The following BORCS8 variants were observed in gnomAD, a reference collection of about 807,000 sequenced individuals.
BORCS8 encodes the protein BLOC-1 related complex subunit 8.
Under a neutral mutation model 18.7 loss-of-function variants are expected in BORCS8, and 13 were observed. The observed-to-expected ratio is 0.70, with a 90% CI of 0.45 to 1.11. The LOEUF is 1.11. BORCS8 is among the 50% of genes least tolerant of loss of function. The probability of loss-of-function intolerance (pLI) is 0.00; values close to 1 mark genes in which losing one functional copy is unlikely to be tolerated. For missense variants in BORCS8, 165 were observed against 165.7 expected (o/e 1.00, Z 0.02); for synonymous variants, 68 against 64.8 (o/e 1.05, Z -0.24).
At chr19:19,186,413 T>G (rs976325135) in intron 2 of BORCS8, among the ~76,000 whole-genome samples, 12 of 152,196 alleles carry the variant, frequency 7.9e-5, no homozygotes, top group African/African-American at 2.2e-4. Flanking sequence ...AAATCTCACC[T>G]TGAATTGTAG....
intron 1 of BORCS8, among the ~76,000 whole-genome samples, chr19:19,190,377 G>A (rs3761081): frequency 0.13 from 19,263 of 152,222 alleles, 1,584 homozygotes; most frequent in Non-Finnish European, 0.18. Flanking sequence ...GCGTGTCTGG[G>A]AGTCAAAGGA....
rs945994637 is a variant in BORCS8 at position 19,182,105 on chromosome 19, C to G, written c.326+468G>C. The G allele has an allele frequency of 6.4e-6, 6 of 940,240 alleles. No homozygotes were observed. The African/African-American group carries it at 1.1e-4, about 17-fold the overall frequency. 58.2% of individuals were successfully genotyped at this position (940,240 alleles called of 1,614,324 possible). ...AGCTGGCCGGCTCCAGCCACAGAAG[C>G]CTTCTCGGTGCTTCTCGAACACTCC... On this transcript the variant is annotated intron_variant, in intron 4 of 5. Coordinates refer to ENST00000462790, the MANE Select transcript of BORCS8 (RefSeq NM_001145784.2). This position sits in a 1 kb window ranked among gnomAD's most constrained non-coding sequence, Gnocchi z 4.1.
chr19:19,186,759 C>G (rs1435473067), intron 2 of BORCS8, 134 bp downstream of exon 2: 1 of 602,036 alleles, frequency 1.7e-6, no homozygotes, highest in Non-Finnish European at 2.9e-6. Flanking sequence ...ATCTTGCCAT[C>G]TCCTTCAAAA....
At position 19,180,695 on chromosome 19, in the gene BORCS8, C is replaced by A; in HGVS notation, c.*33G>T. On this transcript the variant is annotated 3_prime_UTR_variant, in exon 5 of 6. Transcript: ENST00000462790. ...TACCCTCGGCACTGACCTGGGTTGG[C>A]GGAGGCTGGGGGGCCCCGAGTCTCT... 6 of 1,545,922 alleles carry A rather than the reference C, an allele frequency of 3.9e-6. No homozygotes were observed. The highest frequency in any genetic ancestry group is 2.1e-4 in the Middle Eastern group (1 of 4,810).
Position 19,186,992 on chromosome 19 carries a change from G to A in BORCS8, c.51C>T (p.Phe17=). The change falls in exon 2 of 6, where the codon TTC becomes TTT. Residue 17 remains phenylalanine (F), a synonymous_variant. Coordinates refer to ENST00000462790, the MANE Select transcript of BORCS8 (RefSeq NM_001145784.2). The part of the protein sequence containing the change: ...QLKGKKVTDK[F]TESVYVLANE... ...TGGCCAGGACGTAGACGCTCTCAGT[G>A]AACTTGTCCGTGACTAGATACAGGT... is the stretch of plus-strand genomic sequence containing the variant. The A allele has an allele frequency of 6.4e-7, 1 of 1,551,020 alleles. No individual in the cohort carries two copies. The highest frequency in any genetic ancestry group is 8.7e-7 in the Non-Finnish European group (1 of 1,146,664).
Position 19,182,480 on chromosome 19 carries a change from T to G in BORCS8, c.326+93A>C. The G allele has an allele frequency of 6.8e-7, 1 of 1,476,996 alleles. No homozygotes were observed. Among genetic ancestry groups the G allele is most frequent in the South Asian group, 1.3e-5 (1 of 76,170 alleles). The allele number at this position is 1,476,996 out of a possible 1,614,324, so 91.5% of individuals were successfully genotyped here. A position where few individuals can be genotyped will look rare whatever the true frequency, so the allele number is the denominator to read the frequency against. Reference sequence around the variant, plus strand: ...CAGGACAAAAGGAAAGAGACAGTTTTCTAATAAGCGAGAAGCAGCGGTTCC... The same window carrying G: ...CAGGACAAAAGGAAAGAGACAGTTTGCTAATAAGCGAGAAGCAGCGGTTCC... On this transcript the variant is annotated intron_variant, in intron 4 of 5. Coordinates refer to ENST00000462790, the MANE Select transcript of BORCS8 (RefSeq NM_001145784.2). The surrounding 1 kb of genome is among the most constrained non-coding windows in gnomAD (Gnocchi z 4.1).
chr19:19,177,906 C>T lies in BORCS8; in HGVS notation c.*43-446G>A, dbSNP rs185884048. ...TTTTTTGGTTGGGGGGCGGCGGGTGCGAAGTCTCGCTCTGTCGCGCAGGCT... is the reference window on the plus strand; with the variant it reads ...TTTTTTGGTTGGGGGGCGGCGGGTGTGAAGTCTCGCTCTGTCGCGCAGGCT... On this transcript the variant is annotated intron_variant, in intron 5 of 5. Transcript: ENST00000462790. 4.6e-3 allele frequency: 698 copies of T among 152,428 alleles called. 9 individuals carry two copies. The highest frequency in any genetic ancestry group is 0.016 in the African/African-American group (676 of 41,262). 9.4% of individuals were successfully genotyped at this position (152,428 alleles called of 1,614,324 possible).
intron 3 of BORCS8, among the ~76,000 whole-genome samples, chr19:19,183,038 G>A (rs1256046094): frequency 1.3e-5 from 2 of 152,198 alleles, no homozygotes; most frequent in Non-Finnish European, 2.9e-5. Flanking sequence ...CTACTCAAGA[G>A]GCCAAGGCAA....
chr19:19,186,599 G>T (rs1269377509), intron 2 of BORCS8, among the ~76,000 whole-genome samples: 1 of 152,188 alleles, frequency 6.6e-6, no homozygotes, highest in Non-Finnish European at 1.5e-5. Flanking sequence ...GCCATGTGAG[G>T]AAGTACATGT....
chr19:19,187,731 G>T (rs1198338746), intron 1 of BORCS8, among the ~76,000 whole-genome samples: 1 of 151,792 alleles, frequency 6.6e-6, no homozygotes, highest in Non-Finnish European at 1.5e-5. Flanking sequence ...TGGAGACAGG[G>T]TTTCACCATG....
At chr19:19,181,691 AG>A (rs1228129079) in intron 4 of BORCS8, among the ~76,000 whole-genome samples, 7 of 152,308 alleles carry the variant, frequency 4.6e-5, no homozygotes, top group Non-Finnish European at 4.4e-5. Flanking sequence ...CTACCGTTTG[AG>A]GGAAGATTGC....
In BORCS8 at chr19:19,182,205, T is replaced by C. The variant is rs2060355984; in HGVS notation, c.326+368A>G. On this transcript the variant is annotated intron_variant, in intron 4 of 5. Coordinates refer to ENST00000462790, the MANE Select transcript of BORCS8 (RefSeq NM_001145784.2). The surrounding 1 kb of genome is among the most constrained non-coding windows in gnomAD (Gnocchi z 4.1). ...ACTCCGTCTGCCCCCGGATCGTCTCTGTCTGCATGTAACTCATGCCACCTC... is the reference window on the plus strand; with the variant it reads ...ACTCCGTCTGCCCCCGGATCGTCTCCGTCTGCATGTAACTCATGCCACCTC... 7.5e-6 allele frequency: 3 copies of C among 402,160 alleles called. No individual in the cohort carries two copies. The highest frequency in any genetic ancestry group is 1.0e-5 in the Non-Finnish European group (3 of 290,552). The allele number at this position is 402,160 out of a possible 1,614,324, so 24.9% of individuals were successfully genotyped here.
rs1212671462 is a variant in BORCS8, at chr19:19,177,640, AGAAGGAAGGAAG to A, written c.*43-192_*43-181del. On this transcript the variant is annotated intron_variant, in intron 5 of 5. Coordinates refer to ENST00000462790, the MANE Select transcript of BORCS8 (RefSeq NM_001145784.2). ...AGATCCTGTCAAAAGAAAGAAAGAA[AGAAGGAAGGAAG>A]GAAGGAAGGAAGGAAGGAAGGAAGG... 1.1e-3 allele frequency: 116 copies of A among 103,098 alleles called. 2 individuals are homozygous for A. Among genetic ancestry groups the A allele is most frequent in the Middle Eastern group, 4.3e-3 (1 of 232 alleles). 6.4% of individuals were successfully genotyped at this position (103,098 alleles called of 1,614,324 possible).
At chr19:19,187,786 C>A (rs1420587878) in intron 1 of BORCS8, among the ~76,000 whole-genome samples, 2 of 151,752 alleles carry the variant, frequency 1.3e-5, no homozygotes, top group Non-Finnish European at 2.9e-5. Flanking sequence ...ATCCGCTCAC[C>A]ATGGCCTCCC....
At chr19:19,177,678 AAGG>A (rs1568561683) in intron 5 of BORCS8, 1 of 82,118 alleles carries the variant, frequency 1.2e-5, no homozygotes, top group African/African-American at 6.0e-5. Flanking sequence ...GGAAGGAAGG[AAGG>A]AAGGAAGGAA....
chr19:19,178,548 C>T, intron 5 of BORCS8: 1 of 152,414 alleles, frequency 6.6e-6, no homozygotes. Flanking sequence ...GCCTCAGTTT[C>T]CTCTTCTGTA....
chr19:19,188,833 AT>A (rs1017690295), intron 1 of BORCS8, among the ~76,000 whole-genome samples: 11 of 148,844 alleles, frequency 7.4e-5, no homozygotes, highest in Non-Finnish European at 1.2e-4. Context: ...TCCTGATGAA[AT>A]TTTTTTTTTC....
intron 3 of BORCS8, among the ~76,000 whole-genome samples, chr19:19,183,880 AT>A (rs2060378202): frequency 1.4e-5 from 2 of 142,864 alleles, no homozygotes; most frequent in African/African-American, 2.6e-5. Context: ...TCATTTTGTA[AT>A]TTTTTTTTAA....
intron 3 of BORCS8, among the ~76,000 whole-genome samples, chr19:19,183,346 C>T (rs947703055): frequency 1.3e-5 from 2 of 150,958 alleles, no homozygotes; most frequent in African/African-American, 4.9e-5. Context: ...GGAGGCAGAG[C>T]TTGCAGTGGG....
Sources: gnomAD v4.1 joint callset for allele counts (sites outside exome capture counted in the v4.1 genomes callset) on GRCh38, gnomAD v4.1.1 for gene constraint, Gnocchi (gnomAD v3.1) non-coding constraint, MANE v1.5 for transcripts, NCBI Gene and HGNC (gene_info 2026-07-23, HGNC 2026-07-21) for gene names.